The following ERICH1 variants were observed in gnomAD, a reference collection of about 807,000 sequenced individuals.
ERICH1 encodes glutamate-rich protein 1.
ERICH1 carries 56 observed loss-of-function variants against 39.6 expected under a neutral mutation model. The ratio of observed to expected loss-of-function variants is 1.41; its 90% CI spans 1.14 to 1.77. ERICH1 has a LOEUF of 1.77. Ranked by LOEUF, ERICH1 falls within the 40% of genes most tolerant of loss-of-function variation. ERICH1 has a pLI of 0.00. For missense variants in ERICH1, 826 were observed against 575.4 expected (o/e 1.44, Z -4.45); for synonymous variants, 313 against 223.6 (o/e 1.40, Z -3.57).
chr8:706,770 CA>C (rs1813377679), intron 2 of ERICH1, among the ~76,000 whole-genome samples: 1 of 152,118 alleles, frequency 6.6e-6, no homozygotes, highest in Non-Finnish European at 1.5e-5. Context: ...AACTCCATCT[CA>C]AAAACAACAA....
intron 3 of ERICH1, among the ~76,000 whole-genome samples, chr8:617,453 G>A (rs540989064): frequency 6.6e-6 from 1 of 152,200 alleles, no homozygotes. Context: ...GACCCCACTG[G>A]GGAGTGCTGA....
intron 3 of ERICH1, among the ~76,000 whole-genome samples, chr8:687,706 T>C (rs1208640727): frequency 6.6e-6 from 1 of 151,918 alleles, no homozygotes; most frequent in African/African-American, 2.4e-5. Flanking sequence ...AGGGCTGAAG[T>C]CGGCAGAACT....
chr8:731,003 G>T (rs893038072), intron 1 of ERICH1, 137 bp downstream of exon 1: 2 of 1,037,812 alleles, frequency 1.9e-6, no homozygotes, highest in African/African-American at 3.4e-5. Context: ...TAGGGACTGG[G>T]GTGGAGGTGG....
At chr8:617,880 C>T (rs1797026190) in intron 3 of ERICH1, among the ~76,000 whole-genome samples, 1 of 148,320 alleles carries the variant, frequency 6.7e-6, no homozygotes, top group Non-Finnish European at 1.5e-5. Flanking sequence ...TCTGTTCTCA[C>T]TGCCCTCTGA....
intron 3 of ERICH1, among the ~76,000 whole-genome samples, chr8:621,893 T>G (rs754320319): frequency 2.0e-5 from 3 of 152,110 alleles, no homozygotes; most frequent in Non-Finnish European, 2.9e-5. Flanking sequence ...GAAATATATC[T>G]AAAACAATTA....
intron 3 of ERICH1, among the ~76,000 whole-genome samples, chr8:636,534 T>C (rs911699349): frequency 3.3e-5 from 5 of 152,220 alleles, no homozygotes; most frequent in African/African-American, 1.2e-4. Context: ...CAACAGAGTC[T>C]CCTCACGGAC....
intron 3 of ERICH1, among the ~76,000 whole-genome samples, chr8:657,278 T>TAAGG (rs1800779359): frequency 6.6e-6 from 1 of 152,188 alleles, no homozygotes; most frequent in African/African-American, 2.4e-5. Flanking sequence ...TCTTGGAGAC[T>TAAGG]AAGGGTATTT....
intron 3 of ERICH1, among the ~76,000 whole-genome samples, chr8:634,209 A>G (rs915730435): frequency 6.6e-6 from 1 of 151,918 alleles, no homozygotes; most frequent in Non-Finnish European, 1.5e-5. Context: ...ACCCTGATTC[A>G]AAAATGGCCA....
intron 1 of ERICH1, among the ~76,000 whole-genome samples, chr8:730,594 C>T (rs1324779360): frequency 6.6e-6 from 1 of 152,228 alleles, no homozygotes; most frequent in Non-Finnish European, 1.5e-5. Flanking sequence ...TCTATTTATT[C>T]TCCTCCTGTC....
In ERICH1 at chr8:715,977, A is replaced by G; in HGVS notation, c.53T>C (p.Phe18Ser). 1 of 1,613,418 alleles carries G rather than the reference A, an allele frequency of 6.2e-7. No individual in the cohort carries two copies. The highest frequency in any genetic ancestry group is 8.5e-7 in the Non-Finnish European group (1 of 1,179,778). Reference protein sequence around the residue: ...VFVEKVLQRLFPPVPSGQGKR... With the variant: ...VFVEKVLQRLSPPVPSGQGKR... Reference sequence around the variant, plus strand: ...TCCTTGGCCACTTGGAACAGGAGGAAAAAGTCTCTGCAGCACCTTCTCCAC... The same window carrying G: ...TCCTTGGCCACTTGGAACAGGAGGAGAAAGTCTCTGCAGCACCTTCTCCAC... Residue 18 changes from phenylalanine (F) to serine (S), a missense_variant, in exon 2 of 6, where the codon TTT becomes TCT. Physicochemically the swap from Phe to Ser is radical, Grantham distance 155. Coordinates refer to ENST00000262109, the MANE Select transcript of ERICH1 (RefSeq NM_207332.3).
chr8:641,530 T>G (rs938332053), intron 3 of ERICH1, among the ~76,000 whole-genome samples: 1 of 152,274 alleles, frequency 6.6e-6, no homozygotes, highest in Non-Finnish European at 1.5e-5. Context: ...TCGTAATGTA[T>G]TTCCTCAAAG....
Position 648,129 on chromosome 8 carries a change from G to A in ERICH1, c.976+20469C>T, listed in dbSNP as rs1383995057. Among the ~76,000 whole-genome samples the A allele has an allele frequency of 7.4e-5, 5 of 67,510 alleles. 2 individuals carry two copies. In the East Asian group the frequency reaches 1.5e-3, roughly 20 times the overall value. The allele number at this position is 67,510 out of a possible 152,430, so 44.3% of individuals were successfully genotyped here. ...ACTTAGAAACAGGCTGCGAAGAGGC[G>A]AGAGGAAGCAAAAGGCACGACACTG... On this transcript the variant is annotated intron_variant, in intron 3 of 3. Transcript: ENST00000522706.
chr8:708,752 G>C (rs1320765927), intron 2 of ERICH1, among the ~76,000 whole-genome samples: 1 of 134,624 alleles, frequency 7.4e-6, no homozygotes. Context: ...GGAGTGCAGT[G>C]GCACAGTCTT....
chr8:692,548 G>A lies in ERICH1; in HGVS notation c.234C>T (p.Tyr78=), dbSNP rs61741833. ...TGCTGGGCTCCGGCCAACAGGGGACGTAGCCCTCAGGAGGCCCGCTGGCAG... is the reference window on the plus strand; with the variant it reads ...TGCTGGGCTCCGGCCAACAGGGGACATAGCCCTCAGGAGGCCCGCTGGCAG... ...LYTASGPPEG[Y]VPCWPEPSSC... Residue 78 remains tyrosine (Y), a synonymous_variant, in exon 3 of 6, where the codon TAC becomes TAT. Transcript: ENST00000262109. 435 of 1,613,618 alleles carry A rather than the reference G, an allele frequency of 2.7e-4. 5 individuals carry two copies. In the African/African-American group the frequency reaches 5.1e-3, roughly 19 times the overall value.
intron 2 of ERICH1, among the ~76,000 whole-genome samples, chr8:699,121 C>A (rs952878709): frequency 6.6e-6 from 1 of 152,140 alleles, no homozygotes; most frequent in African/African-American, 2.4e-5. Flanking sequence ...TCTCAAAAAA[C>A]CCCCCAAACC....
chr8:672,271 T>C (rs1206656757), intron 4 of ERICH1: 1 of 152,250 alleles, frequency 6.6e-6, no homozygotes, highest in African/African-American at 2.4e-5. Context: ...TACTTTGCAG[T>C]GTCTTAGCCA....
chr8:663,173 G>A (rs1801685116), downstream of ERICH1, among the ~76,000 whole-genome samples: 1 of 152,252 alleles, frequency 6.6e-6, no homozygotes. Context: ...GTTCCAACAT[G>A]TAGAAGAGAC....
chr8:654,167 T>A (rs1800322506), intron 3 of ERICH1, among the ~76,000 whole-genome samples: 1 of 152,240 alleles, frequency 6.6e-6, no homozygotes, highest in African/African-American at 2.4e-5. Context: ...TAGTAGACTT[T>A]GCCTCAAAAG....
At chr8:649,519 G>A (rs1004397116) in intron 3 of ERICH1, among the ~76,000 whole-genome samples, 6 of 152,092 alleles carry the variant, frequency 3.9e-5, no homozygotes, top group African/African-American at 1.4e-4. Context: ...CAGAGCCCCT[G>A]GGCCCCGGGG....
Sources: allele counts gnomAD v4.1 joint callset (sites outside exome capture counted in the v4.1 genomes callset), GRCh38; gene constraint gnomAD v4.1.1; transcripts MANE v1.5; gene names NCBI Gene and HGNC (gene_info 2026-07-23, HGNC 2026-07-21).